The following NEK7 variants were observed in gnomAD, a reference collection of about 807,000 sequenced individuals.
The protein encoded by NEK7 is NIMA related kinase 7, also known as serine/threonine-protein kinase Nek7.
Under a neutral mutation model 44.6 loss-of-function variants are expected in NEK7, and 18 were observed. The observed-to-expected ratio is 0.40, with a 90% CI of 0.28 to 0.60. NEK7 has a LOEUF of 0.60. Ranked by LOEUF, NEK7 falls within the 20% of genes least tolerant of loss-of-function variation. The pLI, the probability that NEK7 is intolerant of heterozygous loss-of-function variation, is 0.38. For missense variants in NEK7, 256 were observed against 366.5 expected (o/e 0.70, Z 2.46); for synonymous variants, 130 against 121.1 (o/e 1.07, Z -0.48).
chr1:198,254,177 G>A (rs979766378), intron 3 of NEK7, among the ~76,000 whole-genome samples: 3 of 151,742 alleles, frequency 2.0e-5, no homozygotes, highest in African/African-American at 7.3e-5. Flanking sequence ...TTTATAAAAG[G>A]TTTTATCTGG....
intron 3 of NEK7, among the ~76,000 whole-genome samples, chr1:198,257,560 T>C (rs1036938380): frequency 6.6e-6 from 1 of 152,206 alleles, no homozygotes; most frequent in African/African-American, 2.4e-5. Flanking sequence ...AAATTTATCT[T>C]GCAGCTTTTA....
chr1:198,275,570 A>G lies in NEK7; in HGVS notation c.373-2391A>G, dbSNP rs535149349. ...TTTTCAAGGGAAACAGGATTTTCAA[A>G]CAATAATGCTCTTTGGCTAGATAAT... is the stretch of plus-strand genomic sequence containing the variant. On this transcript the variant is annotated intron_variant, in intron 5 of 9. Transcript: ENST00000367385. Among the ~76,000 whole-genome samples, 18 of 151,482 alleles carry G rather than the reference A, an allele frequency of 1.2e-4. No individual in the cohort carries two copies. In the South Asian group the frequency reaches 3.5e-3, roughly 30 times the overall value.
chr1:198,288,819 C>T (rs1654457920), intron 7 of NEK7, among the ~76,000 whole-genome samples: 1 of 152,148 alleles, frequency 6.6e-6, no homozygotes, highest in Non-Finnish European at 1.5e-5. Context: ...CAAGATAATA[C>T]ATAGGATGCA....
intron 1 of NEK7, among the ~76,000 whole-genome samples, chr1:198,222,322 A>G (rs570693527): frequency 3.1e-4 from 47 of 152,300 alleles, no homozygotes; most frequent in Non-Finnish European, 4.4e-4. Flanking sequence ...GTGATAAACA[A>G]CTAATTGGTT....
At chr1:198,282,795 A>G (rs1045687124) in intron 7 of NEK7, among the ~76,000 whole-genome samples, 2 of 152,142 alleles carry the variant, frequency 1.3e-5, no homozygotes, top group African/African-American at 4.8e-5. Context: ...TTCAAAAAAT[A>G]GTTTTCATAC....
chr1:198,264,839 G>T (rs1274115150), intron 5 of NEK7, among the ~76,000 whole-genome samples: 1 of 152,030 alleles, frequency 6.6e-6, no homozygotes, highest in East Asian at 1.9e-4. Context: ...CCTTGGGCCA[G>T]TTACTTCTCT....
intron 6 of NEK7, among the ~76,000 whole-genome samples, chr1:198,278,666 G>A (rs1443891680): frequency 6.6e-6 from 1 of 151,716 alleles, no homozygotes; most frequent in African/African-American, 2.4e-5. Flanking sequence ...TGTATTTTGT[G>A]CTTTGAATTT....
At position 198,279,079 on chromosome 1, in the gene NEK7, A is replaced by G; in HGVS notation, c.589+18A>G. Reference sequence around the variant, plus strand: ...TTCTTTAGGTAAGAGACACAATATAATTTCATTCAGTTACTTTGTGTATGT... The same window carrying G: ...TTCTTTAGGTAAGAGACACAATATAGTTTCATTCAGTTACTTTGTGTATGT... On this transcript the variant is annotated intron_variant, in intron 7 of 9. Transcript: ENST00000367385. 6.9e-7 allele frequency: 1 copy of G among 1,445,404 alleles called. No homozygotes were observed. Among genetic ancestry groups the G allele is most frequent in the African/African-American group, 1.4e-5 (1 of 71,562 alleles). 89.5% of individuals were successfully genotyped at this position (1,445,404 alleles called of 1,614,324 possible).
At chr1:198,288,347 G>A (rs1051066849) in intron 7 of NEK7, among the ~76,000 whole-genome samples, 2 of 152,170 alleles carry the variant, frequency 1.3e-5, no homozygotes, top group African/African-American at 2.4e-5. Context: ...TTAAATCAGC[G>A]TAGCTGCAGA....
At chr1:198,285,730 G>A (rs1167088843) in intron 7 of NEK7, among the ~76,000 whole-genome samples, 1 of 152,028 alleles carries the variant, frequency 6.6e-6, no homozygotes, top group Non-Finnish European at 1.5e-5. Context: ...TTCAGGAAGA[G>A]GAGAATCAGA....
Position 198,249,740 on chromosome 1 carries a change from T to A in NEK7, c.58-3300T>A, listed in dbSNP as rs1571571255. ...CCCACTTTTTGATGGGGTTGTTTGT[T>A]TTTTTCTTGTAAATTTGTTTGAGTT... On this transcript the variant is annotated intron_variant, in intron 2 of 9. Transcript: ENST00000367385. Among the ~76,000 whole-genome samples, 4 of 143,714 alleles carry A rather than the reference T, an allele frequency of 2.8e-5. No individual in the cohort carries two copies. In the South Asian group the frequency reaches 9.3e-4, roughly 33 times the overall value. The allele number at this position is 143,714 out of a possible 152,430, so 94.3% of individuals were successfully genotyped here. A position where few individuals can be genotyped will look rare whatever the true frequency, so the allele number is the denominator to read the frequency against.
chr1:198,284,981 C>T (rs1654323989), intron 7 of NEK7, among the ~76,000 whole-genome samples: 1 of 152,098 alleles, frequency 6.6e-6, no homozygotes, highest in East Asian at 1.9e-4. Context: ...GTTGTGGGTA[C>T]AGTAAGTTAC....
intron 1 of NEK7, among the ~76,000 whole-genome samples, chr1:198,170,702 T>A (rs960478911): frequency 1.3e-5 from 2 of 152,224 alleles, no homozygotes; most frequent in East Asian, 3.8e-4. Flanking sequence ...TAATTGTGAA[T>A]TGATGGTTTG....
chr1:198,253,488 A>G (rs925244353), intron 3 of NEK7, among the ~76,000 whole-genome samples: 3 of 152,168 alleles, frequency 2.0e-5, no homozygotes, highest in African/African-American at 7.2e-5. Flanking sequence ...TAGATGTTGA[A>G]TACTCACTGA....
intron 2 of NEK7, among the ~76,000 whole-genome samples, chr1:198,247,210 A>T (rs1207537941): frequency 6.6e-6 from 1 of 152,074 alleles, no homozygotes; most frequent in Non-Finnish European, 1.5e-5. Flanking sequence ...TATGTTTCTT[A>T]TTGTGGAATA....
chr1:198,199,065 G>GA (rs1174768691), intron 1 of NEK7, among the ~76,000 whole-genome samples: 5 of 152,198 alleles, frequency 3.3e-5, no homozygotes, highest in Non-Finnish European at 7.3e-5. Flanking sequence ...TCTGCTTTCT[G>GA]GTCCACTTTA....
At chr1:198,181,599 A>G (rs1255886373) in intron 1 of NEK7, among the ~76,000 whole-genome samples, 3 of 152,110 alleles carry the variant, frequency 2.0e-5, no homozygotes, top group Non-Finnish European at 4.4e-5. Context: ...CCTCTGTATC[A>G]TATTCCAGTG....
chr1:198,293,765 T>C (rs1654628844), intron 8 of NEK7, among the ~76,000 whole-genome samples: 1 of 151,928 alleles, frequency 6.6e-6, no homozygotes. Context: ...GAATATAGGC[T>C]TCGAGTCAAA....
rs1271743649 is a variant in NEK7 at position 198,321,826 on chromosome 1, G to A, written c.*2304G>A. 1 of 152,012 alleles carries A rather than the reference G, an allele frequency of 6.6e-6. No individual in the cohort carries two copies. Among genetic ancestry groups the A allele is most frequent in the Non-Finnish European group, 1.5e-5 (1 of 67,922 alleles). 9.4% of individuals were successfully genotyped at this position (152,012 alleles called of 1,614,324 possible). On this transcript the variant is annotated 3_prime_UTR_variant, in exon 10 of 10. Transcript: ENST00000367385. ...CACCTATAAAATGTTCTTTATATGT[G>A]TTCATAAGTAAATTTTATATTGATT...
Sources: gnomAD v4.1 joint callset for allele counts (sites outside exome capture counted in the v4.1 genomes callset) on GRCh38, gnomAD v4.1.1 for gene constraint, MANE v1.5 for transcripts, NCBI Gene and HGNC (gene_info 2026-07-23, HGNC 2026-07-21) for gene names.